The following ARID3A variants were observed in gnomAD, a reference collection of about 807,000 sequenced individuals.
ARID3A encodes the protein AT-rich interactive domain-containing protein 3A.
A neutral mutation model predicts 52.7 loss-of-function variants in ARID3A; 11 were observed. That is an observed-to-expected ratio of 0.21 (90% confidence interval 0.13 to 0.35). ARID3A has a LOEUF of 0.35. Ranked by LOEUF, ARID3A falls within the 10% of genes least tolerant of loss-of-function variation. ARID3A has a pLI of 1.00. For missense variants in ARID3A, 721 were observed against 838.5 expected, an observed-to-expected ratio of 0.86 and a Z score of 1.73; for synonymous variants, 404 against 359.4, an observed-to-expected ratio of 1.12 and a Z score of -1.40.
intron 3 of ARID3A, among the ~76,000 whole-genome samples, chr19:956,200 A>G (rs1195795687): frequency 1.3e-5 from 2 of 152,112 alleles, no homozygotes; most frequent in Admixed American, 6.5e-5. Context: ...AGTCCTCCCC[A>G]TTCCAGTACC....
At chr19:965,878 G>C (rs1368151715) in intron 6 of ARID3A, among the ~76,000 whole-genome samples, 1 of 151,728 alleles carries the variant, frequency 6.6e-6, no homozygotes, top group Non-Finnish European at 1.5e-5. Flanking sequence ...TGTAGTCCCA[G>C]CTACTTGGGA....
chr19:957,430 C>T (rs958042352), intron 3 of ARID3A, among the ~76,000 whole-genome samples: 7 of 152,210 alleles, frequency 4.6e-5, no homozygotes, highest in Admixed American at 3.3e-4. Context: ...AGCCAGTTCT[C>T]GGAACAAATG....
intron 4 of ARID3A, among the ~76,000 whole-genome samples, chr19:962,756 C>T (rs1366239765): frequency 6.6e-6 from 1 of 152,004 alleles, no homozygotes; most frequent in Non-Finnish European, 1.5e-5. Context: ...CTTGGGTGAT[C>T]CGCCCGCCTC....
intron 3 of ARID3A, among the ~76,000 whole-genome samples, chr19:940,137 C>G (rs2037516588): frequency 6.6e-6 from 1 of 152,024 alleles, no homozygotes; most frequent in Non-Finnish European, 1.5e-5. Flanking sequence ...TGTTAGCGAG[C>G]CACAGCAGGG....
Position 932,747 on chromosome 19 carries a change from G to C in ARID3A, c.693+5G>C. On this transcript the variant is annotated splice_donor_5th_base_variant and intron_variant, in intron 3 of 8. Transcript: ENST00000263620. ...TACGAGGAGCAGTTTAAGCAGGTGA[G>C]TGGGCGCGTCCCGCGTGGCGGCTGA... 6.5e-7 allele frequency: 1 copy of C among 1,546,830 alleles called. No individual in the cohort carries two copies. The highest frequency in any genetic ancestry group is 8.7e-7 in the Non-Finnish European group (1 of 1,146,318).
Position 964,754 on chromosome 19 carries a change from G to A in ARID3A, c.951-79G>A. ...AACCAGGGATGGTGGTGCCACAGTG[G>A]GGTTTACTTTGTACTGAAGGCCAAA... On this transcript the variant is annotated intron_variant, in intron 5 of 8. Coordinates refer to ENST00000263620, the MANE Select transcript of ARID3A (RefSeq NM_005224.3). The surrounding 1 kb of genome is among the most constrained non-coding windows in gnomAD (Gnocchi z 5.7). The A allele has an allele frequency of 6.5e-7, 1 of 1,532,466 alleles. No individual in the cohort carries two copies. Among genetic ancestry groups the A allele is most frequent in the Non-Finnish European group, 8.8e-7 (1 of 1,136,042 alleles). 94.9% of individuals were successfully genotyped at this position (1,532,466 alleles called of 1,614,324 possible).
intron 8 of ARID3A, among the ~76,000 whole-genome samples, chr19:971,052 A>G (rs901988887): frequency 1.3e-5 from 2 of 152,250 alleles, no homozygotes; most frequent in African/African-American, 2.4e-5. Context: ...TCAACGAACC[A>G]TGGGCATCAG....
Position 964,146 on chromosome 19 carries a change from G to A in ARID3A, c.767-102G>A, listed in dbSNP as rs904775606. 8 of 947,422 alleles carry A rather than the reference G, an allele frequency of 8.4e-6. No homozygotes were observed. The highest frequency in any genetic ancestry group is 3.3e-5 in the African/African-American group (2 of 61,138). The allele number at this position is 947,422 out of a possible 1,614,324, so 58.7% of individuals were successfully genotyped here. ...GAGACATCTGTGGTTGTCACAGCCT[G>A]GGCGGGGGAGTGCTCCTGGCATGGA... is the stretch of plus-strand genomic sequence containing the variant. On this transcript the variant is annotated intron_variant, in intron 4 of 8. Transcript: ENST00000263620. This position sits in a 1 kb window ranked among gnomAD's most constrained non-coding sequence, Gnocchi z 5.7.
chr19:928,576 T>A (rs1020478096), intron 1 of ARID3A: 6 of 152,244 alleles, frequency 3.9e-5, no homozygotes, highest in Non-Finnish European at 7.3e-5. Context: ...AAGCAGAGGA[T>A]CCCTGAGCCT....
In ARID3A at chr19:974,111, C is replaced by T. The variant is rs1280867080; in HGVS notation, c.*2046C>T. On this transcript the variant is annotated 3_prime_UTR_variant, in exon 9 of 9. Transcript: ENST00000263620. The stretch of plus-strand genomic sequence containing the variant: ...ACTCCCCAGCTCCCCCCACTCCCAA[C>T]CACCTCCCCATTGCCTTGGAGACCC... The T allele has an allele frequency of 4.4e-6, 1 of 226,594 alleles. No homozygotes were observed. The highest frequency in any genetic ancestry group is 8.8e-6 in the Non-Finnish European group (1 of 113,920). The allele number at this position is 226,594 out of a possible 1,614,324, so 14.0% of individuals were successfully genotyped here. A position where few individuals can be genotyped will look rare whatever the true frequency, so the allele number is the denominator to read the frequency against.
intron 3 of ARID3A, among the ~76,000 whole-genome samples, chr19:934,209 G>T (rs899681687): frequency 1.3e-5 from 2 of 152,172 alleles, no homozygotes; most frequent in African/African-American, 4.8e-5. Context: ...GAGAGGGAGG[G>T]TCAAGGCCCC....
Position 932,499 on chromosome 19 carries a change from G to A in ARID3A, c.450G>A (p.Glu150=), listed in dbSNP as rs201472856. Residue 150 remains glutamate (E), a synonymous_variant, in exon 3 of 9, where the codon GAG becomes GAA. Transcript: ENST00000263620. ...AGGAGGAGGAGGATTACGAGGATGA[G>A]GAGGAGGAGGAGGACGAGGAGGGGC... ...EEEEEEDYED[E]EEEEDEEGLG... is the part of the protein sequence containing the mutation. The A allele has an allele frequency of 7.6e-6, 11 of 1,442,342 alleles. No individual in the cohort carries two copies. The East Asian group carries it at 2.6e-4, about 34-fold the overall frequency. 89.3% of individuals were successfully genotyped at this position (1,442,342 alleles called of 1,614,324 possible).
At chr19:931,461 A>C (rs2037325984) in intron 2 of ARID3A, among the ~76,000 whole-genome samples, 1 of 151,256 alleles carries the variant, frequency 6.6e-6, no homozygotes, top group Non-Finnish European at 1.5e-5. Flanking sequence ...CAAAAAAAAA[A>C]AAAAAACAAC....
rs958263939 is a variant in ARID3A at position 942,253 on chromosome 19, T to C, written c.693+9511T>C. Among the ~76,000 whole-genome samples, 2 of 152,180 alleles carry C rather than the reference T, an allele frequency of 1.3e-5. No individual in the cohort carries two copies. Among genetic ancestry groups the C allele is most frequent in the African/African-American group, 4.8e-5 (2 of 41,454 alleles). On this transcript the variant is annotated intron_variant, in intron 3 of 8. Transcript: ENST00000263620. This position sits in a 1 kb window ranked among gnomAD's most constrained non-coding sequence, Gnocchi z 8.1. The stretch of plus-strand genomic sequence containing the variant: ...AGTTTCCCTGCTGGACACAAAGGGC[T>C]GAAGTCCAGGTCCCTTCGATGGCCC...
At chr19:967,340 G>A (rs2038181580) in intron 7 of ARID3A, among the ~76,000 whole-genome samples, 1 of 152,182 alleles carries the variant, frequency 6.6e-6, no homozygotes, top group African/African-American at 2.4e-5. Flanking sequence ...GGCTGAAATG[G>A]GAGGATTGCT....
rs1035047037 is a variant in ARID3A, at chr19:947,483, G to A, written c.694-12609G>A. On this transcript the variant is annotated intron_variant, in intron 3 of 8. Coordinates refer to ENST00000263620, the MANE Select transcript of ARID3A (RefSeq NM_005224.3). The surrounding 1 kb of genome is among the most constrained non-coding windows in gnomAD (Gnocchi z 6.3). ...CCAACTGTGAAACGGGCTGGCGGCCGGTCAGCGTCTCCTCCCTGAGCAAGG... is the reference window on the plus strand; with the variant it reads ...CCAACTGTGAAACGGGCTGGCGGCCAGTCAGCGTCTCCTCCCTGAGCAAGG... Among the ~76,000 whole-genome samples the A allele has an allele frequency of 6.6e-6, 1 of 152,150 alleles. No homozygotes were observed.
intron 1 of ARID3A, among the ~76,000 whole-genome samples, chr19:926,816 G>C (rs1026296331): frequency 1.3e-5 from 2 of 151,930 alleles, no homozygotes; most frequent in African/African-American, 4.8e-5. Flanking sequence ...CAACTCCAAC[G>C]CTCGGCGCCG....
intron 6 of ARID3A, 61 bp downstream of exon 6, chr19:965,141 C>G: frequency 6.6e-7 from 1 of 1,510,958 alleles, no homozygotes; most frequent in Non-Finnish European, 8.9e-7. Context: ...GGCTGTCTGA[C>G]CTTGGGGGAT....
intron 3 of ARID3A, among the ~76,000 whole-genome samples, chr19:955,857 G>T (rs940240914): frequency 6.6e-6 from 1 of 152,168 alleles, no homozygotes; most frequent in Non-Finnish European, 1.5e-5. Flanking sequence ...ACCTCAAACC[G>T]CGGGCGTAAA....
Sources: allele counts gnomAD v4.1 joint callset (sites outside exome capture counted in the v4.1 genomes callset), GRCh38; gene constraint gnomAD v4.1.1; non-coding constraint Gnocchi (gnomAD v3.1); transcripts MANE v1.5; gene names NCBI Gene and HGNC (gene_info 2026-07-23, HGNC 2026-07-21).